The following PAPOLG variants were observed in gnomAD, a reference collection of about 807,000 sequenced individuals.
PAPOLG encodes PAP-gamma.
PAPOLG carries 40 observed loss-of-function variants against 99.0 expected under a neutral mutation model. That is an observed-to-expected ratio of 0.40 (90% CI 0.31 to 0.53). PAPOLG has a LOEUF of 0.53. Ranked by LOEUF, PAPOLG falls within the 20% of genes least tolerant of loss-of-function variation. PAPOLG has a pLI of 0.41. For missense variants in PAPOLG, 675 were observed against 884.1 expected (o/e 0.76, Z 3.00); for synonymous variants, 310 against 299.3 (o/e 1.04, Z -0.37).
At chr2:60,780,356 G>A (rs1671151888) in intron 9 of PAPOLG, among the ~76,000 whole-genome samples, 1 of 150,400 alleles carries the variant, frequency 6.6e-6, no homozygotes. Context: ...GCTCACTGCA[G>A]CCTCTGCCTC....
At chr2:60,774,293 C>T (rs1331013889) in intron 7 of PAPOLG, among the ~76,000 whole-genome samples, 4 of 151,496 alleles carry the variant, frequency 2.6e-5, no homozygotes, top group South Asian at 2.1e-4. Flanking sequence ...TGAAAAAAGC[C>T]TTAGTATTAT....
intron 13 of PAPOLG, among the ~76,000 whole-genome samples, chr2:60,785,274 G>A (rs1463538447): frequency 6.6e-6 from 1 of 152,078 alleles, no homozygotes; most frequent in Non-Finnish European, 1.5e-5. Flanking sequence ...AAGCAGCTGG[G>A]ACTACAGGCG....
intron 13 of PAPOLG, among the ~76,000 whole-genome samples, chr2:60,785,662 T>C (rs1011714438): frequency 1.7e-4 from 25 of 151,268 alleles, no homozygotes; most frequent in Non-Finnish European, 3.1e-4. Context: ...AGCTGGGGCC[T>C]GCAGGCCCTT....
chr2:60,767,165 G>A (rs1046586469), intron 3 of PAPOLG, among the ~76,000 whole-genome samples: 1 of 152,036 alleles, frequency 6.6e-6, no homozygotes, highest in African/African-American at 2.4e-5. Flanking sequence ...TGGGCAGTAA[G>A]GATAATGAGG....
chr2:60,801,915 C>T lies in PAPOLG; in HGVS notation c.*4755C>T, dbSNP rs146840751. On this transcript the variant is annotated 3_prime_UTR_variant, in exon 22 of 22. Transcript: ENST00000238714. ...TTGAGATTAATGGTGCTACATCACT[C>T]TACAGTACTATGTAAAATGAATGGA... 1 of 152,464 alleles carries T rather than the reference C, an allele frequency of 6.6e-6. No homozygotes were observed. The highest frequency in any genetic ancestry group is 1.9e-4 in the East Asian group (1 of 5,330). The allele number at this position is 152,464 out of a possible 1,614,324, so 9.4% of individuals were successfully genotyped here. A position where few individuals can be genotyped will look rare whatever the true frequency, so the allele number is the denominator to read the frequency against.
chr2:60,793,774 G>T (rs1334625462), intron 18 of PAPOLG, 59 bp downstream of exon 18: 1 of 1,542,342 alleles, frequency 6.5e-7, no homozygotes, highest in Non-Finnish European at 8.8e-7. Flanking sequence ...AGCTAGGCAT[G>T]GTGGCACACG....
chr2:60,757,903 T>C (rs1670395916), intron 1 of PAPOLG, among the ~76,000 whole-genome samples: 1 of 152,196 alleles, frequency 6.6e-6, no homozygotes, highest in African/African-American at 2.4e-5. Flanking sequence ...AGTAGGCTAG[T>C]TGGCCAACTT....
intron 13 of PAPOLG, among the ~76,000 whole-genome samples, chr2:60,783,798 A>T (rs1053952470): frequency 6.6e-6 from 1 of 151,882 alleles, no homozygotes; most frequent in African/African-American, 2.4e-5. Context: ...GTGCATGACC[A>T]TGGAGCTTCA....
At chr2:60,785,046 T>C (rs906337789) in intron 13 of PAPOLG, among the ~76,000 whole-genome samples, 3 of 152,234 alleles carry the variant, frequency 2.0e-5, no homozygotes, top group Admixed American at 6.5e-5. Context: ...TCGGTCACAT[T>C]TCTTAAGTGA....
chr2:60,774,184 T>G (rs984187060), intron 7 of PAPOLG, among the ~76,000 whole-genome samples: 4 of 151,904 alleles, frequency 2.6e-5, no homozygotes, highest in African/African-American at 9.7e-5. Flanking sequence ...AAACTCCGCC[T>G]CCCGGGTTCA....
intron 1 of PAPOLG, among the ~76,000 whole-genome samples, chr2:60,757,105 C>G (rs551151962): frequency 6.6e-6 from 1 of 152,136 alleles, no homozygotes; most frequent in African/African-American, 2.4e-5. Context: ...GTAGCTTCTT[C>G]CATTTTGGTC....
intron 5 of PAPOLG, among the ~76,000 whole-genome samples, chr2:60,769,264 T>C (rs888215376): frequency 6.6e-6 from 1 of 152,218 alleles, no homozygotes; most frequent in African/African-American, 2.4e-5. Context: ...ACATATCAAA[T>C]GATGAGTGCT....
rs528622235 is a variant in PAPOLG, at chr2:60,787,083, A to T, written c.1286+17A>T. ...TCATAAAGAGTAAGTTAATTGTTTT[A>T]TAATACTTTATTTCTTAAATAATGT... is the stretch of plus-strand genomic sequence containing the variant. On this transcript the variant is annotated intron_variant, in intron 14 of 21. Coordinates refer to ENST00000238714, the MANE Select transcript of PAPOLG (RefSeq NM_022894.4). The T allele has an allele frequency of 1.6e-5, 24 of 1,547,116 alleles. No homozygotes were observed. The African/African-American group carries it at 2.4e-4, about 15-fold the overall frequency.
rs1670340612 is a variant in PAPOLG at position 60,756,421 on chromosome 2, A to G, written c.-58A>G. 1 of 1,612,550 alleles carries G rather than the reference A, an allele frequency of 6.2e-7. No individual in the cohort carries two copies. The highest frequency in any genetic ancestry group is 1.1e-5 in the South Asian group (1 of 91,030). ...AAAGTGAACAGGGGGAGAAGGGAAC[A>G]GCAAGAACAGGACTCCAGAGCGATA... On this transcript the variant is annotated 5_prime_UTR_variant, in exon 1 of 22. Coordinates refer to ENST00000238714, the MANE Select transcript of PAPOLG (RefSeq NM_022894.4).
At chr2:60,771,770 A>G (rs1670858056) in intron 7 of PAPOLG, 140 bp downstream of exon 7, 1 of 888,698 alleles carries the variant, frequency 1.1e-6, no homozygotes, top group Non-Finnish European at 1.6e-6. Context: ...TAATGTGACC[A>G]CATTTAAGAA....
chr2:60,798,617 A>G lies in PAPOLG; in HGVS notation c.*1457A>G, dbSNP rs997727460. On this transcript the variant is annotated 3_prime_UTR_variant, in exon 22 of 22. Transcript: ENST00000238714. ...TCAGCATTTAGTAGGTCCAGTAGGA[A>G]AAACCCAAAATGGTACATTGAGTAG... 1 of 152,380 alleles carries G rather than the reference A, an allele frequency of 6.6e-6. No individual in the cohort carries two copies. The highest frequency in any genetic ancestry group is 1.5e-5 in the Non-Finnish European group (1 of 68,048). The allele number at this position is 152,380 out of a possible 1,614,324, so 9.4% of individuals were successfully genotyped here. A position where few individuals can be genotyped will look rare whatever the true frequency, so the allele number is the denominator to read the frequency against.
chr2:60,797,473 C>G lies in PAPOLG; in HGVS notation c.*313C>G. The G allele has an allele frequency of 3.4e-6, 1 of 290,714 alleles. No homozygotes were observed. Among genetic ancestry groups the G allele is most frequent in the Non-Finnish European group, 6.4e-6 (1 of 155,074 alleles). The allele number at this position is 290,714 out of a possible 1,614,324, so 18.0% of individuals were successfully genotyped here. A position where few individuals can be genotyped will look rare whatever the true frequency, so the allele number is the denominator to read the frequency against. On this transcript the variant is annotated 3_prime_UTR_variant, in exon 22 of 22. Coordinates refer to ENST00000238714, the MANE Select transcript of PAPOLG (RefSeq NM_022894.4). ...GCTTGTTATGGGAACCAGTTCTTAGCCACTTGGACACTGATAACAAGTCCT... is the reference window on the plus strand; with the variant it reads ...GCTTGTTATGGGAACCAGTTCTTAGGCACTTGGACACTGATAACAAGTCCT...
Position 60,768,773 on chromosome 2 carries a change from AT to A in PAPOLG, c.329-5del. The A allele has an allele frequency of 6.5e-7, 1 of 1,541,650 alleles. No individual in the cohort carries two copies. The highest frequency in any genetic ancestry group is 8.8e-7 in the Non-Finnish European group (1 of 1,138,452). Reference sequence around the variant, plus strand: ...ATATTCTTAATTAAGAACTACTTTAATTTACAGGAGCTGACATTGATGCACT... The same window carrying A: ...ATATTCTTAATTAAGAACTACTTTAATTACAGGAGCTGACATTGATGCACT... On this transcript the variant is annotated splice_region_variant and splice_polypyrimidine_tract_variant and intron_variant, in intron 4 of 21. Transcript: ENST00000238714.
chr2:60,786,842 A>T (rs1671377840), intron 13 of PAPOLG, 105 bp from the exon 14 acceptor site: 5 of 1,396,608 alleles, frequency 3.6e-6, no homozygotes, highest in Non-Finnish European at 4.8e-6. Context: ...AAGTTTTTTA[A>T]TGAACATGTA....
Sources: gnomAD v4.1 joint callset for allele counts (sites outside exome capture counted in the v4.1 genomes callset) on GRCh38, gnomAD v4.1.1 for gene constraint, MANE v1.5 for transcripts, NCBI Gene and HGNC (gene_info 2026-07-23, HGNC 2026-07-21) for gene names.